TOX2: variants seen among roughly 807,000 people sequenced by gnomAD.
The protein encoded by TOX2 is TOX high mobility group box family member 2, also known as granulosa cell HMG box 1.
A neutral mutation model predicts 47.4 loss-of-function variants in TOX2; 15 were observed. The ratio of observed to expected loss-of-function variants is 0.32; its 90% confidence interval spans 0.21 to 0.49. The LOEUF is 0.49. Among genes scored for constraint, TOX2 ranks in the 20% least tolerant of loss-of-function variants. The pLI, the probability that TOX2 is intolerant of heterozygous loss-of-function variation, is 0.99. For missense variants in TOX2, 622 were observed against 673.1 expected (o/e 0.92, Z 0.84); for synonymous variants, 290 against 296.6 (o/e 0.98, Z 0.23).
intron 3 of TOX2, among the ~76,000 whole-genome samples, chr20:44,036,390 C>G (rs2071240504): frequency 6.6e-6 from 1 of 152,200 alleles, no homozygotes; most frequent in Admixed American, 6.5e-5. Flanking sequence ...GTGAATCCAG[C>G]TGTGCCGCCT....
At chr20:44,028,931 G>A (rs949769800) in intron 3 of TOX2, among the ~76,000 whole-genome samples, 1 of 152,126 alleles carries the variant, frequency 6.6e-6, no homozygotes, top group Non-Finnish European at 1.5e-5. Context: ...CCTGCCTTTA[G>A]CCTCTTGCCC....
In TOX2 at chr20:43,915,069, T is replaced by C. The variant is rs1013706835; in HGVS notation, c.99+79T>C. On this transcript the variant is annotated intron_variant, in intron 1 of 8. Transcript: ENST00000341197. This position sits in a 1 kb window ranked among gnomAD's most constrained non-coding sequence, Gnocchi z 7.1. Reference sequence around the variant, plus strand: ...GCTCGGGACTCAGGCGCTCCCGGGGTCACACGGGGCCGCGCACATCAGCCC... The same window carrying C: ...GCTCGGGACTCAGGCGCTCCCGGGGCCACACGGGGCCGCGCACATCAGCCC... The C allele has an allele frequency of 6.9e-6, 6 of 874,096 alleles. No individual in the cohort carries two copies. Among genetic ancestry groups the C allele is most frequent in the Non-Finnish European group, 8.7e-6 (6 of 693,376 alleles). 54.1% of individuals were successfully genotyped at this position (874,096 alleles called of 1,614,324 possible).
intron 3 of TOX2, among the ~76,000 whole-genome samples, chr20:44,036,955 CCTCTT>C (rs1415968401): frequency 6.6e-6 from 1 of 152,180 alleles, no homozygotes; most frequent in Non-Finnish European, 1.5e-5. Context: ...TTGTTTCTCA[CCTCTT>C]CTTTTCTTTT....
chr20:43,927,602 TTCCTTCCTTCCTTCCTTCCTTCC>T (rs1282164060), intron 1 of TOX2, among the ~76,000 whole-genome samples: 3 of 3,370 alleles, frequency 8.9e-4, no homozygotes, highest in South Asian at 0.018. Context: ...CCTTCCTTCC[TTCCTTCCTTCCTTCCTTCCTTCC>T]TCCTTCCTTC....
chr20:43,963,953 TAATAA>T (rs1290129941), intron 1 of TOX2, among the ~76,000 whole-genome samples: 2 of 152,142 alleles, frequency 1.3e-5, no homozygotes, highest in Non-Finnish European at 2.9e-5. Context: ...GAGGATTCAA[TAATAA>T]AATAAGAAAT....
At chr20:44,032,524 G>T (rs1345537914) in intron 3 of TOX2, among the ~76,000 whole-genome samples, 1 of 152,188 alleles carries the variant, frequency 6.6e-6, no homozygotes, top group Non-Finnish European at 1.5e-5. Flanking sequence ...GGAGAGGGGT[G>T]ATGGAGGGGA....
chr20:44,016,819 G>A lies in TOX2; in HGVS notation c.411+10027G>A, dbSNP rs551884715. Among the ~76,000 whole-genome samples, 11 of 152,316 alleles carry A rather than the reference G, an allele frequency of 7.2e-5. No individual in the cohort carries two copies. The East Asian group carries it at 7.7e-4, about 11-fold the overall frequency. On this transcript the variant is annotated intron_variant, in intron 3 of 8. Coordinates refer to ENST00000341197, the MANE Select transcript of TOX2 (RefSeq NM_001098797.2). ...CTGCCTGGATGCTCTGGGCTGGAACGAGGGTGAGGCATGTGAGATGCGTGC... is the reference window on the plus strand; with the variant it reads ...CTGCCTGGATGCTCTGGGCTGGAACAAGGGTGAGGCATGTGAGATGCGTGC...
chr20:44,030,779 A>G (rs2071138104), intron 3 of TOX2, among the ~76,000 whole-genome samples: 1 of 152,226 alleles, frequency 6.6e-6, no homozygotes, highest in Non-Finnish European at 1.5e-5. Flanking sequence ...AAAGTGACAC[A>G]TGCCTTCCTG....
At chr20:43,952,766 C>G (rs1397386561) in intron 1 of TOX2, among the ~76,000 whole-genome samples, 2 of 152,174 alleles carry the variant, frequency 1.3e-5, no homozygotes, top group Non-Finnish European at 2.9e-5. Context: ...TCTGCCCTCT[C>G]CAGACATATA....
At chr20:44,062,093 C>T (rs1228156110) in intron 5 of TOX2, among the ~76,000 whole-genome samples, 1 of 150,948 alleles carries the variant, frequency 6.6e-6, no homozygotes. Flanking sequence ...TTATTCGATG[C>T]AGTACTGGAA....
chr20:44,050,407 GA>G (rs1297172509), intron 3 of TOX2, among the ~76,000 whole-genome samples: 8 of 152,242 alleles, frequency 5.3e-5, no homozygotes, highest in Admixed American at 2.6e-4. Context: ...AAAAATGGGA[GA>G]AAAACAGATA....
At chr20:43,951,978 C>G (rs2069582718) in intron 1 of TOX2, among the ~76,000 whole-genome samples, 1 of 151,870 alleles carries the variant, frequency 6.6e-6, no homozygotes, top group South Asian at 2.1e-4. Flanking sequence ...CTCACTGCAA[C>G]CTCCACCTCC....
chr20:43,978,736 A>AT (rs142090001), intron 2 of TOX2, among the ~76,000 whole-genome samples: 16,557 of 150,566 alleles, frequency 0.11, 1,014 homozygotes, highest in Middle Eastern at 0.17. Context: ...AAGAGCTCAC[A>AT]TTTTTTACAG....
intron 3 of TOX2, among the ~76,000 whole-genome samples, chr20:44,044,612 GGAGA>G (rs891231326): frequency 1.3e-5 from 2 of 152,132 alleles, no homozygotes; most frequent in African/African-American, 4.8e-5. Context: ...TTGAAAAGAG[GGAGA>G]GAGAGAAACG....
intron 3 of TOX2, among the ~76,000 whole-genome samples, chr20:44,009,849 T>C (rs2070750401): frequency 6.6e-6 from 1 of 152,144 alleles, no homozygotes; most frequent in South Asian, 2.1e-4. Flanking sequence ...GGGGTGAGCA[T>C]GGCTACAGTT....
In TOX2 at chr20:44,068,882, A is replaced by G. The variant is rs1299339877; in HGVS notation, c.*196A>G. On this transcript the variant is annotated 3_prime_UTR_variant, in exon 9 of 9. Transcript: ENST00000341197. Reference sequence around the variant, plus strand: ...CAGAGGCAGCCCACTGCCCACCACCAGCCCAAAGAACCTGCAGGAACCTTC... The same window carrying G: ...CAGAGGCAGCCCACTGCCCACCACCGGCCCAAAGAACCTGCAGGAACCTTC... The G allele has an allele frequency of 1.3e-6, 1 of 776,472 alleles. No homozygotes were observed. Among genetic ancestry groups the G allele is most frequent in the East Asian group, 2.7e-5 (1 of 36,940 alleles). 48.1% of individuals were successfully genotyped at this position (776,472 alleles called of 1,614,324 possible).
At chr20:43,942,851 G>A (rs1326366177) in intron 1 of TOX2, among the ~76,000 whole-genome samples, 2 of 152,124 alleles carry the variant, frequency 1.3e-5, no homozygotes, top group Non-Finnish European at 2.9e-5. Flanking sequence ...GTTTTGAACC[G>A]TAACCATCAC....
chr20:44,067,430 C>T (rs1239166175), intron 8 of TOX2, among the ~76,000 whole-genome samples: 1 of 152,142 alleles, frequency 6.6e-6, no homozygotes, highest in Non-Finnish European at 1.5e-5. Context: ...CTGTGGGCTG[C>T]CCCGGGGTGA....
chr20:43,916,031 A>G lies in TOX2; in HGVS notation c.99+1041A>G. ...TCCGCGTCCCCTTCGGTCGCCGGAG[A>G]GGGAACTTTCAAACTTAGTTAGGAA... On this transcript the variant is annotated intron_variant, in intron 1 of 8. Transcript: ENST00000341197. This position sits in a 1 kb window ranked among gnomAD's most constrained non-coding sequence, Gnocchi z 5.0. 1.2e-6 allele frequency: 1 copy of G among 806,190 alleles called. No homozygotes were observed. The highest frequency in any genetic ancestry group is 1.9e-5 in the African/African-American group (1 of 53,848). 49.9% of individuals were successfully genotyped at this position (806,190 alleles called of 1,614,324 possible).
Sources: gnomAD v4.1 joint callset for allele counts (sites outside exome capture counted in the v4.1 genomes callset) on GRCh38, gnomAD v4.1.1 for gene constraint, Gnocchi (gnomAD v3.1) non-coding constraint, MANE v1.5 for transcripts, NCBI Gene and HGNC (gene_info 2026-07-23, HGNC 2026-07-21) for gene names.